RBFOX1: variants seen among roughly 807,000 people sequenced by gnomAD.
The protein encoded by RBFOX1 is RNA binding fox-1 homolog 1, also known as RNA binding protein fox-1 homolog 1.
RBFOX1 carries 8 observed loss-of-function variants against 57.7 expected under a neutral mutation model. That is an observed-to-expected ratio of 0.14 (90% CI 0.08 to 0.25). The LOEUF is 0.25. Among genes scored for constraint, RBFOX1 ranks in the 10% least tolerant of loss-of-function variants. The pLI is 1.00. For missense variants in RBFOX1, 611 were observed against 548.5 expected (o/e 1.11, Z -1.14); for synonymous variants, 326 against 222.4 (o/e 1.47, Z -4.15).
chr16:7,375,860 G>A (rs1388491970), intron 4 of RBFOX1, among the ~76,000 whole-genome samples: 2 of 151,986 alleles, frequency 1.3e-5, no homozygotes, highest in African/African-American at 4.8e-5. Flanking sequence ...TACTACTTGG[G>A]AAAAGTAATC....
At chr16:7,330,049 T>C (rs2096664126) in intron 4 of RBFOX1, among the ~76,000 whole-genome samples, 3 of 152,186 alleles carry the variant, frequency 2.0e-5, no homozygotes, top group African/African-American at 7.2e-5. Flanking sequence ...CAGTAAAGTA[T>C]AACATTATAA....
intron 3 of RBFOX1, among the ~76,000 whole-genome samples, chr16:6,871,654 C>G (rs1461843012): frequency 6.6e-6 from 1 of 150,828 alleles, no homozygotes; most frequent in African/African-American, 2.4e-5. Flanking sequence ...GCTGTCAACA[C>G]TTCTAAACTG....
chr16:6,729,502 G>A (rs1050123195), intron 3 of RBFOX1, among the ~76,000 whole-genome samples: 113 of 152,246 alleles, frequency 7.4e-4, no homozygotes, highest in African/African-American at 2.5e-3. Flanking sequence ...TAAAGTGCCA[G>A]TTTAGACATA....
chr16:5,832,449 T>C (rs899829252), intron 3 of RBFOX1, among the ~76,000 whole-genome samples: 1 of 152,246 alleles, frequency 6.6e-6, no homozygotes, highest in Non-Finnish European at 1.5e-5. Flanking sequence ...TGTGCCTTAG[T>C]TTCCACAACA....
chr16:5,423,778 C>T (rs1313683314), intron 1 of RBFOX1, among the ~76,000 whole-genome samples: 2 of 152,180 alleles, frequency 1.3e-5, no homozygotes, highest in Non-Finnish European at 1.5e-5. Context: ...AAATCATCCT[C>T]TCCCTGTTTC....
At chr16:6,753,558 C>A (rs2075306210) in intron 3 of RBFOX1, among the ~76,000 whole-genome samples, 1 of 152,160 alleles carries the variant, frequency 6.6e-6, no homozygotes, top group East Asian at 1.9e-4. Context: ...TTTGTTACAT[C>A]TGTCTTAATA....
chr16:5,284,769 TTTTTTTTTTTTTTA>T (rs2063352944), intron 1 of RBFOX1, among the ~76,000 whole-genome samples: 1 of 143,882 alleles, frequency 7.0e-6, no homozygotes, highest in Admixed American at 6.9e-5. Flanking sequence ...TTTTTTTTTT[TTTTTTTTTTTTTTA>T]CTTGTAGTAT....
chr16:6,630,811 G>A (rs1318125159), intron 2 of RBFOX1, among the ~76,000 whole-genome samples: 1 of 152,134 alleles, frequency 6.6e-6, no homozygotes. Context: ...CTCGTTACAG[G>A]AGTTAAGAAA....
intron 3 of RBFOX1, among the ~76,000 whole-genome samples, chr16:6,747,293 G>C (rs911468490): frequency 6.6e-6 from 1 of 152,096 alleles, no homozygotes; most frequent in Non-Finnish European, 1.5e-5. Context: ...TGAAATCCCA[G>C]CTACTCAAGA....
intron 11 of RBFOX1, among the ~76,000 whole-genome samples, chr16:7,641,950 A>G (rs1462771180): frequency 6.6e-6 from 1 of 152,004 alleles, no homozygotes; most frequent in Non-Finnish European, 1.5e-5. Flanking sequence ...CTTCTCCAGG[A>G]TTTTTTAAAG....
At chr16:7,218,708 CTT>C (rs2152835558) in intron 4 of RBFOX1, among the ~76,000 whole-genome samples, 1 of 136,750 alleles carries the variant, frequency 7.3e-6, no homozygotes, top group East Asian at 2.1e-4. Flanking sequence ...GGCTGTGAGA[CTT>C]TGGTAAGTCA....
chr16:7,518,493 A>G (rs1567635194), intron 5 of RBFOX1, 104 bp downstream of exon 5: 4 of 1,464,302 alleles, frequency 2.7e-6, no homozygotes, highest in Non-Finnish European at 1.8e-6. Flanking sequence ...ACTCTGGGAA[A>G]CAGATCAGTC....
At chr16:6,393,962 C>CT (rs2092713146) in intron 2 of RBFOX1, among the ~76,000 whole-genome samples, 2 of 152,158 alleles carry the variant, frequency 1.3e-5, no homozygotes, top group South Asian at 4.2e-4. Flanking sequence ...GTAGGCTGTT[C>CT]TTTTTCCAAC....
intron 4 of RBFOX1, among the ~76,000 whole-genome samples, chr16:7,226,321 G>C (rs1335441277): frequency 1.3e-5 from 2 of 152,192 alleles, no homozygotes; most frequent in Non-Finnish European, 1.5e-5. Context: ...CTGGAGAAGA[G>C]GTTCTTCTTC....
chr16:6,019,570 C>T lies in RBFOX1; in HGVS notation c.-549C>T, dbSNP rs1259912163. 8.6e-7 allele frequency: 1 copy of T among 1,161,472 alleles called. No homozygotes were observed. Among genetic ancestry groups the T allele is most frequent in the Non-Finnish European group, 1.1e-6 (1 of 942,702 alleles). The allele number at this position is 1,161,472 out of a possible 1,614,324, so 71.9% of individuals were successfully genotyped here. On this transcript the variant is annotated 5_prime_UTR_variant, in exon 1 of 16. Transcript: ENST00000550418. This position sits in a 1 kb window ranked among gnomAD's most constrained non-coding sequence, Gnocchi z 4.2. ...GCAGAGGCGGCGGCACTGGCTGGAC[C>T]CACGCGCGCGCCTCCGGGGCTGAAG...
chr16:6,411,716 T>C (rs1377020138), intron 2 of RBFOX1, among the ~76,000 whole-genome samples: 3 of 152,260 alleles, frequency 2.0e-5, no homozygotes, highest in African/African-American at 7.2e-5. Flanking sequence ...GCTCTCAGCT[T>C]TTATTATTGA....
chr16:6,744,454 TA>T (rs1220419079), intron 3 of RBFOX1, among the ~76,000 whole-genome samples: 17 of 152,266 alleles, frequency 1.1e-4, no homozygotes, highest in African/African-American at 3.8e-4. Flanking sequence ...TGGGCTGAAC[TA>T]TTTTTTTTAA....
chr16:5,668,035 A>G (rs1201782641), intron 3 of RBFOX1, among the ~76,000 whole-genome samples: 5 of 152,104 alleles, frequency 3.3e-5, no homozygotes, highest in Admixed American at 2.0e-4. Flanking sequence ...AAAAATTCCA[A>G]CAACCACATC....
intron 3 of RBFOX1, among the ~76,000 whole-genome samples, chr16:6,751,985 A>C (rs940449898): frequency 8.5e-5 from 13 of 152,158 alleles, no homozygotes; most frequent in African/African-American, 2.9e-4. Flanking sequence ...CAAATCAAGC[A>C]CTTTAATAGG....
Sources: allele counts gnomAD v4.1 joint callset (sites outside exome capture counted in the v4.1 genomes callset), GRCh38; gene constraint gnomAD v4.1.1; non-coding constraint Gnocchi (gnomAD v3.1); transcripts MANE v1.5; gene names NCBI Gene and HGNC (gene_info 2026-07-23, HGNC 2026-07-21).